Variants in ATR observed in about 807,000 individuals in gnomAD.
ATR encodes the protein ATR checkpoint kinase, also known as serine/threonine-protein kinase ATR.
Under a neutral mutation model 305.3 loss-of-function variants are expected in ATR, and 142 were observed. That is an observed-to-expected ratio of 0.47 (90% CI 0.41 to 0.53). The LOEUF (loss-of-function observed/expected upper bound fraction) is 0.53. Among genes scored for constraint, ATR ranks in the 20% least tolerant of loss-of-function variants. The pLI is 0.00. For missense variants in ATR, 2,135 were observed against 3,133.1 expected (o/e 0.68, Z 7.60); for synonymous variants, 1,050 against 1,068.1 (o/e 0.98, Z 0.33).
At position 142,469,550 on chromosome 3, in the gene ATR, T is replaced by C. The variant is rs7635479; in HGVS notation, c.6339A>G (p.Val2113=). 2,710 of 1,613,718 alleles carry C rather than the reference T, an allele frequency of 1.7e-3. 46 individuals are homozygous for C. The African/African-American group carries it at 0.031, about 19-fold the overall frequency. Residue 2113 remains valine, a synonymous_variant, in exon 38 of 47, where the codon GTA becomes GTG. Transcript: ENST00000350721. ...TTTTACCCAAATCATTCCTCATTTG[T>C]ACACGATCGGAGCGGCCAGCTGGGG... ...EWEKAGRSDR[V]QMRNDLGKIN...
chr3:142,460,660 T>C (rs1014234856), intron 42 of ATR, among the ~76,000 whole-genome samples: 33 of 152,156 alleles, frequency 2.2e-4, no homozygotes, highest in African/African-American at 7.0e-4. Flanking sequence ...CTCGCTTAGT[T>C]TGCAGTAATT....
At chr3:142,454,904 C>T (rs1487661881) in intron 45 of ATR, among the ~76,000 whole-genome samples, 2 of 151,830 alleles carry the variant, frequency 1.3e-5, no homozygotes, top group East Asian at 1.9e-4. Context: ...CATGTCTATT[C>T]GACACTGATT....
chr3:142,557,142 T>C (rs1438993229), intron 8 of ATR, among the ~76,000 whole-genome samples: 1 of 152,084 alleles, frequency 6.6e-6, no homozygotes, highest in Admixed American at 6.5e-5. Flanking sequence ...GGGTGGAGCA[T>C]AAGATTCCCC....
intron 27 of ATR, among the ~76,000 whole-genome samples, chr3:142,511,103 TA>T (rs2032532738): frequency 6.6e-6 from 1 of 151,896 alleles, no homozygotes; most frequent in Non-Finnish European, 1.5e-5. Flanking sequence ...ATGAAATAAA[TA>T]AAATTAAAAT....
intron 28 of ATR, among the ~76,000 whole-genome samples, chr3:142,507,421 C>G (rs2032309752): frequency 6.6e-6 from 1 of 152,150 alleles, no homozygotes; most frequent in South Asian, 2.1e-4. Context: ...CCCTTCCAAA[C>G]TCCTCCTCCA....
chr3:142,527,253 C>A (rs967495681), intron 21 of ATR, among the ~76,000 whole-genome samples: 4 of 151,766 alleles, frequency 2.6e-5, no homozygotes, highest in South Asian at 2.1e-4. Flanking sequence ...TGGAAGTTTT[C>A]TTTCATTTCC....
chr3:142,567,731 G>A (rs1341424846), intron 2 of ATR, among the ~76,000 whole-genome samples: 1 of 152,126 alleles, frequency 6.6e-6, no homozygotes, highest in Non-Finnish European at 1.5e-5. Context: ...TTTGCTATTA[G>A]TCTACCACTG....
At chr3:142,518,743 C>T (rs2033018247) in intron 24 of ATR, among the ~76,000 whole-genome samples, 1 of 151,852 alleles carries the variant, frequency 6.6e-6, no homozygotes, top group Non-Finnish European at 1.5e-5. Flanking sequence ...GTTATTTGTC[C>T]AAAGTCAAGT....
chr3:142,571,263 C>G (rs2035248959), intron 1 of ATR, among the ~76,000 whole-genome samples: 1 of 152,034 alleles, frequency 6.6e-6, no homozygotes, highest in African/African-American at 2.4e-5. Flanking sequence ...GTCAGTAGAT[C>G]TAAACCATCC....
At chr3:142,560,144 A>T in intron 6 of ATR, 119 bp downstream of exon 6, 1 of 942,618 alleles carries the variant, frequency 1.1e-6, no homozygotes, top group Non-Finnish European at 1.7e-6. Context: ...AAATTTATTA[A>T]CTACTTCAGT....
chr3:142,497,310 T>G, intron 32 of ATR, 118 bp from the exon 33 acceptor site: 1 of 1,053,236 alleles, frequency 9.5e-7, no homozygotes, highest in South Asian at 1.5e-5. Context: ...TTGTCTTTGG[T>G]AGAACTTTAA....
At position 142,493,407 on chromosome 3, in the gene ATR, T is replaced by C. The variant is rs77390595; in HGVS notation, c.5899-96A>G. On this transcript the variant is annotated intron_variant, in intron 34 of 46. Transcript: ENST00000350721. ...TTCATTATGTTTTTGTACAAATCCA[T>C]TTGTAATTTCATGTTTATCTTTTAC... 0.019 allele frequency: 25,674 copies of C among 1,322,218 alleles called. 328 individuals are homozygous for C. The highest frequency in any genetic ancestry group is 0.04 in the South Asian group (2,727 of 68,770). 81.9% of individuals were successfully genotyped at this position (1,322,218 alleles called of 1,614,324 possible).
In ATR at chr3:142,556,555, A is replaced by G. The variant is rs1440130494; in HGVS notation, c.1906T>C (p.Cys636Arg). 1 of 1,614,022 alleles carries G rather than the reference A, an allele frequency of 6.2e-7. No homozygotes were observed. The highest frequency in any genetic ancestry group is 1.1e-5 in the South Asian group (1 of 91,052). The change falls in exon 9 of 47, where the codon TGT becomes CGT. Residue 636 changes from cysteine (C) to arginine (R), a missense_variant. Cys to Arg is a radical substitution (Grantham distance 180, BLOSUM62 -3). Around this residue, in one of 9 missense-constraint regions of ATR, gnomAD observed 744 missense variants for 873.2 expected, o/e 0.85. Transcript: ENST00000350721. ...GGAAACAGAGTCAGAAGAAACACACATCGTGATTGTGCCTGTGGTGCTGAA... is the reference window on the plus strand; with the variant it reads ...GGAAACAGAGTCAGAAGAAACACACGTCGTGATTGTGCCTGTGGTGCTGAA... ...DSYSPQAQSR[C>R]VFLLTLFPRR...
chr3:142,481,881 G>A (rs1374518972), intron 36 of ATR, among the ~76,000 whole-genome samples: 2 of 151,456 alleles, frequency 1.3e-5, no homozygotes, highest in African/African-American at 4.9e-5. Context: ...GGAGTGCAGT[G>A]GCATGATCAT....
chr3:142,457,594 A>G lies in ATR; in HGVS notation c.7655+10T>C, dbSNP rs1230341902. 1.9e-6 allele frequency: 3 copies of G among 1,613,872 alleles called. No individual in the cohort carries two copies. ...TACTGTTAAATTATTTACAAAGTAT[A>G]GGTGATTACCTCATTAAAGGCTCTC... is the stretch of plus-strand genomic sequence containing the variant. On this transcript the variant is annotated intron_variant, in intron 45 of 46. Coordinates refer to ENST00000350721, the MANE Select transcript of ATR (RefSeq NM_001184.4).
intron 8 of ATR, among the ~76,000 whole-genome samples, chr3:142,557,882 C>T (rs1357728221): frequency 1.3e-5 from 2 of 152,206 alleles, no homozygotes; most frequent in African/African-American, 2.4e-5. Flanking sequence ...ATCCGCATGC[C>T]TTGGCCTCCC....
intron 36 of ATR, among the ~76,000 whole-genome samples, chr3:142,478,872 T>C (rs1483370650): frequency 6.6e-6 from 1 of 152,172 alleles, no homozygotes; most frequent in African/African-American, 2.4e-5. Context: ...TTGATCTTTG[T>C]TGGTTTAAAG....
At chr3:142,457,498 A>G in intron 45 of ATR, 106 bp downstream of exon 45, 1 of 1,334,502 alleles carries the variant, frequency 7.5e-7, no homozygotes, top group Non-Finnish European at 1.0e-6. Context: ...TAAAAAAACT[A>G]TTTCAGTCAG....
At chr3:142,479,171 T>C (rs969410141) in intron 36 of ATR, among the ~76,000 whole-genome samples, 1 of 152,188 alleles carries the variant, frequency 6.6e-6, no homozygotes, top group African/African-American at 2.4e-5. Context: ...TGATGCAGTT[T>C]CTTCCTAGCA....
Sources: allele counts gnomAD v4.1 joint callset (sites outside exome capture counted in the v4.1 genomes callset), GRCh38; gene constraint gnomAD v4.1.1; regional missense constraint gnomAD v4.1.1; transcripts MANE v1.5; gene names NCBI Gene and HGNC (gene_info 2026-07-23, HGNC 2026-07-21).